SLC35F1: variants seen among roughly 807,000 people sequenced by gnomAD.
SLC35F1 encodes the protein solute carrier family 35 member F1, also known as chromosome 6 open reading frame 169.
In SLC35F1, 14 loss-of-function variants were observed where a neutral mutation model predicts 48.7. The ratio of observed to expected loss-of-function variants is 0.29; its 90% CI spans 0.19 to 0.45. The LOEUF is 0.45. SLC35F1 is among the 20% of genes least tolerant of loss of function. The pLI is 1.00. For synonymous variants in SLC35F1, 190 were observed against 202.2 expected (o/e 0.94, Z 0.51); for missense variants, 404 against 500.0 (o/e 0.81, Z 1.83).
intron 1 of SLC35F1, among the ~76,000 whole-genome samples, chr6:118,128,498 C>T (rs2114416597): frequency 6.6e-6 from 1 of 151,988 alleles, no homozygotes; most frequent in South Asian, 2.1e-4. Flanking sequence ...ATGATGAGTT[C>T]ATGTCCTTTG....
At chr6:118,131,157 C>T (rs1296999577) in intron 1 of SLC35F1, among the ~76,000 whole-genome samples, 1 of 152,108 alleles carries the variant, frequency 6.6e-6, no homozygotes, top group African/African-American at 2.4e-5. Context: ...TTTCAAGTCA[C>T]TCCATGATTA....
intron 1 of SLC35F1, among the ~76,000 whole-genome samples, chr6:118,120,361 T>A (rs1773536841): frequency 6.6e-6 from 1 of 152,188 alleles, no homozygotes; most frequent in Admixed American, 6.5e-5. Context: ...TCACATTTAA[T>A]TCATTCTAAG....
At chr6:118,298,856 T>A (rs1407019559) in intron 7 of SLC35F1, among the ~76,000 whole-genome samples, 6 of 152,144 alleles carry the variant, frequency 3.9e-5, no homozygotes, top group Admixed American at 2.6e-4. Context: ...TAAGCACTGC[T>A]CTCCTCTGAC....
intron 1 of SLC35F1, among the ~76,000 whole-genome samples, chr6:118,003,009 A>C (rs1004234681): frequency 6.6e-6 from 1 of 152,224 alleles, no homozygotes; most frequent in Non-Finnish European, 1.5e-5. Context: ...ATCTCTGCAC[A>C]CAATATCTAG....
At chr6:118,129,331 G>C (rs1773676300) in intron 1 of SLC35F1, among the ~76,000 whole-genome samples, 1 of 146,418 alleles carries the variant, frequency 6.8e-6, no homozygotes, top group South Asian at 2.1e-4. Flanking sequence ...GGAATACGAA[G>C]AAGCAGGCAT....
intron 1 of SLC35F1, among the ~76,000 whole-genome samples, chr6:117,980,848 G>A (rs964654280): frequency 6.6e-6 from 1 of 152,158 alleles, no homozygotes; most frequent in Non-Finnish European, 1.5e-5. Flanking sequence ...GGCCCAGAGA[G>A]CATTTAAGGT....
chr6:117,944,307 T>G (rs1475530036), intron 1 of SLC35F1, among the ~76,000 whole-genome samples: 1 of 152,090 alleles, frequency 6.6e-6, no homozygotes, highest in Non-Finnish European at 1.5e-5. Context: ...AAAGAAAAGA[T>G]AAACTGTCTG....
At chr6:118,037,290 G>A (rs1455635525) in intron 1 of SLC35F1, among the ~76,000 whole-genome samples, 2 of 152,084 alleles carry the variant, frequency 1.3e-5, no homozygotes, top group Non-Finnish European at 2.9e-5. Flanking sequence ...TGCTCTGACA[G>A]TCTCTGCCTT....
At chr6:118,210,301 C>T (rs1301657707) in intron 2 of SLC35F1, among the ~76,000 whole-genome samples, 2 of 152,108 alleles carry the variant, frequency 1.3e-5, no homozygotes, top group South Asian at 2.1e-4. Context: ...GTTTCATGTT[C>T]GTCATTTTCT....
intron 2 of SLC35F1, among the ~76,000 whole-genome samples, chr6:118,202,221 G>A (rs986976796): frequency 6.6e-6 from 1 of 152,180 alleles, no homozygotes; most frequent in African/African-American, 2.4e-5. Context: ...CGGAGCAGGT[G>A]CAGTAGTTTA....
At chr6:118,030,831 C>G (rs531157437) in intron 1 of SLC35F1, among the ~76,000 whole-genome samples, 50 of 152,256 alleles carry the variant, frequency 3.3e-4, no homozygotes, top group Admixed American at 7.2e-4. Flanking sequence ...AGTCTATTAT[C>G]TTTAACAGCA....
intron 1 of SLC35F1, among the ~76,000 whole-genome samples, chr6:117,989,506 T>A (rs930660884): frequency 6.6e-6 from 1 of 152,228 alleles, no homozygotes; most frequent in Non-Finnish European, 1.5e-5. Flanking sequence ...GGCAGCTTTA[T>A]CTCAAACATT....
chr6:118,024,982 A>G (rs1306756759), intron 1 of SLC35F1, among the ~76,000 whole-genome samples: 1 of 152,214 alleles, frequency 6.6e-6, no homozygotes, highest in Non-Finnish European at 1.5e-5. Flanking sequence ...TAGAAAAATT[A>G]CAAAGATAGT....
At chr6:118,246,140 G>A (rs954474546) in intron 3 of SLC35F1, among the ~76,000 whole-genome samples, 1 of 152,172 alleles carries the variant, frequency 6.6e-6, no homozygotes, top group South Asian at 2.1e-4. Context: ...CTCTGATATG[G>A]TTGGCAGTAT....
chr6:118,069,758 AAATGAACTTTGTCC>A (rs1772671170), intron 1 of SLC35F1, among the ~76,000 whole-genome samples: 1 of 152,346 alleles, frequency 6.6e-6, no homozygotes, highest in African/African-American at 2.4e-5. Context: ...AAGAACGTAA[AAATGAACTTTGTCC>A]CTTTTGTGTC....
chr6:118,221,993 G>A (rs1775157872), intron 2 of SLC35F1, among the ~76,000 whole-genome samples: 1 of 151,650 alleles, frequency 6.6e-6, no homozygotes, highest in Non-Finnish European at 1.5e-5. Flanking sequence ...GGGTCAGAAT[G>A]CAAATATGGT....
At chr6:118,025,134 C>T (rs1156243650) in intron 1 of SLC35F1, among the ~76,000 whole-genome samples, 1 of 152,106 alleles carries the variant, frequency 6.6e-6, no homozygotes, top group Non-Finnish European at 1.5e-5. Context: ...TTCTAACTCC[C>T]TTTTTCTGTT....
chr6:117,925,702 A>C (rs1006796029), intron 1 of SLC35F1, among the ~76,000 whole-genome samples: 1 of 152,110 alleles, frequency 6.6e-6, no homozygotes, highest in Non-Finnish European at 1.5e-5. Flanking sequence ...CTGTCAAGGA[A>C]GAGCAGGGGC....
chr6:117,977,123 G>T (rs1484498040), intron 1 of SLC35F1, among the ~76,000 whole-genome samples: 2 of 151,934 alleles, frequency 1.3e-5, no homozygotes, highest in Non-Finnish European at 2.9e-5. Context: ...TACATGTGAT[G>T]ATTTCCTTAG....
Sources: gnomAD v4.1 joint callset for allele counts (sites outside exome capture counted in the v4.1 genomes callset) on GRCh38, gnomAD v4.1.1 for gene constraint, MANE v1.5 for transcripts, NCBI Gene and HGNC (gene_info 2026-07-23, HGNC 2026-07-21) for gene names.